Variants in SPIRE2 observed in about 807,000 individuals in gnomAD.
SPIRE2 encodes protein spire homolog 2.
A neutral mutation model predicts 80.7 loss-of-function variants in SPIRE2; 76 were observed. The observed-to-expected ratio is 0.94, with a 90% CI of 0.78 to 1.14. The LOEUF (loss-of-function observed/expected upper bound fraction) is 1.14. SPIRE2 is among the 50% of genes most tolerant of loss of function. The pLI is 0.00. For missense variants in SPIRE2, 1,196 were observed against 1,015.3 expected (o/e 1.18, Z -2.42); for synonymous variants, 535 against 432.6 (o/e 1.24, Z -2.94).
rs1483572829 is a variant in SPIRE2, at chr16:89,868,225, C to T, written c.1806+9C>T. On this transcript the variant is annotated intron_variant, in intron 13 of 14. Coordinates refer to ENST00000378247, the MANE Select transcript of SPIRE2 (RefSeq NM_032451.2). ...CTTCCTGTAGCATAAAGGTGAGGACCATGTGGGATCTCTGGGGTCTGAGCA... is the reference window on the plus strand; with the variant it reads ...CTTCCTGTAGCATAAAGGTGAGGACTATGTGGGATCTCTGGGGTCTGAGCA... 1 of 1,613,958 alleles carries T rather than the reference C, an allele frequency of 6.2e-7. No individual in the cohort carries two copies.
intron 1 of SPIRE2, among the ~76,000 whole-genome samples, chr16:89,829,716 C>T (rs910798269): frequency 7.2e-6 from 1 of 139,458 alleles, no homozygotes; most frequent in African/African-American, 2.5e-5. Flanking sequence ...TCCTGGAGCC[C>T]CCCCCTCAGC....
intron 3 of SPIRE2, 61 bp from the exon 4 acceptor site, chr16:89,854,225 G>A (rs1321843027): frequency 1.0e-5 from 15 of 1,492,646 alleles, no homozygotes; most frequent in Middle Eastern, 1.7e-4. Context: ...GACGGACGGG[G>A]CCCGTCTTGC....
Position 89,870,935 on chromosome 16 carries a change from A to C in SPIRE2, c.*663A>C, listed in dbSNP as rs1350080793. ...ATGTTGTCTCTACTGAAAATGCAAAAATTAGCCAGGTATAGTGGCAGGAAC... is the reference window on the plus strand; with the variant it reads ...ATGTTGTCTCTACTGAAAATGCAAACATTAGCCAGGTATAGTGGCAGGAAC... On this transcript the variant is annotated 3_prime_UTR_variant, in exon 15 of 15. Transcript: ENST00000378247. 1 of 152,556 alleles carries C rather than the reference A, an allele frequency of 6.6e-6. No individual in the cohort carries two copies. Among genetic ancestry groups the C allele is most frequent in the Non-Finnish European group, 1.5e-5 (1 of 68,396 alleles). 9.5% of individuals were successfully genotyped at this position (152,556 alleles called of 1,614,324 possible).
intron 10 of SPIRE2, among the ~76,000 whole-genome samples, chr16:89,861,182 T>C (rs1332223687): frequency 2.0e-5 from 3 of 152,218 alleles, no homozygotes; most frequent in Non-Finnish European, 2.9e-5. Flanking sequence ...TCAGCCCCTC[T>C]GCCCTCGGTT....
Position 89,863,070 on chromosome 16 carries a change from GTGGCCTGTTGGAGGGTCC to G in SPIRE2, c.1576-402_1576-385del, listed in dbSNP as rs1288597622. On this transcript the variant is annotated intron_variant, in intron 10 of 14. Transcript: ENST00000378247. This position sits in a 1 kb window ranked among gnomAD's most constrained non-coding sequence, Gnocchi z 4.3. ...CGCAGATGGGCAGATGCAAGCTGAG[GTGGCCTGTTGGAGGGTCC>G]TGGACCTTCCAGAAAAGAGGACATC... 6.9e-5 allele frequency: 14 copies of G among 202,862 alleles called. No individual in the cohort carries two copies. Among genetic ancestry groups the G allele is most frequent in the African/African-American group, 3.3e-4 (14 of 42,942 alleles). The allele number at this position is 202,862 out of a possible 1,614,324, so 12.6% of individuals were successfully genotyped here.
intron 9 of SPIRE2, 68 bp from the exon 10 acceptor site, chr16:89,860,615 C>T: frequency 9.0e-7 from 1 of 1,117,062 alleles, no homozygotes; most frequent in Non-Finnish European, 1.3e-6. Context: ...TCTATCATCC[C>T]CTGGGCACAG....
intron 1 of SPIRE2, among the ~76,000 whole-genome samples, chr16:89,842,800 G>GCCAGGACTGC (rs1196901193): frequency 2.6e-5 from 4 of 152,212 alleles, no homozygotes; most frequent in South Asian, 2.1e-4. Context: ...CCCAGCGCGG[G>GCCAGGACTGC]CCAGGACTGC....
At chr16:89,836,963 C>G (rs1209034003) in intron 1 of SPIRE2, among the ~76,000 whole-genome samples, 1 of 152,080 alleles carries the variant, frequency 6.6e-6, no homozygotes, top group Admixed American at 6.5e-5. Flanking sequence ...CCATTGCACT[C>G]CAGCCTAGGT....
In SPIRE2 at chr16:89,844,825, C is replaced by A. The variant is rs565598194; in HGVS notation, c.245-497C>A. ...TTTGAACTCCTGGCTGCTAGCAGCT[C>A]TCCCACCTCGGCATCTCAAAGTGCT... On this transcript the variant is annotated intron_variant, in intron 1 of 14. Transcript: ENST00000378247. 9.8e-5 allele frequency among the ~76,000 whole-genome samples: 15 copies of A among 152,336 alleles called. No homozygotes were observed. In the East Asian group the frequency reaches 2.9e-3, roughly 29 times the overall value.
chr16:89,843,148 C>T (rs966133492), intron 1 of SPIRE2, among the ~76,000 whole-genome samples: 29 of 152,306 alleles, frequency 1.9e-4, no homozygotes, highest in East Asian at 3.9e-4. Context: ...TCCCACCCAG[C>T]GCAGCATCTT....
intron 7 of SPIRE2, 30 bp from the exon 8 acceptor site, chr16:89,858,308 C>T (rs775184059): frequency 2.6e-6 from 4 of 1,543,048 alleles, no homozygotes; most frequent in Admixed American, 3.9e-5. Context: ...CGTTCACTGG[C>T]CCGTCCTGCC....
At chr16:89,836,507 G>C (rs1055130418) in intron 1 of SPIRE2, 8 of 290,042 alleles carry the variant, frequency 2.8e-5, no homozygotes, top group East Asian at 8.0e-5. Context: ...GTGGATGGTA[G>C]GACGGTTCCC....
Position 89,860,788 on chromosome 16 carries a change from T to C in SPIRE2, c.1568T>C (p.Leu523Pro). Residue 523 changes from leucine (L) to proline (P), a missense_variant, in exon 10 of 15, where the codon CTG (leucine) becomes CCG (proline). Coordinates refer to ENST00000378247, the MANE Select transcript of SPIRE2 (RefSeq NM_032451.2). ...TCCATGACCCCCGATGCCAAACACC[T>C]GTGGCTGGTGAGTGAGGGTGCGATT... Reference protein sequence around the residue: ...EASMTPDAKHLWLEFSHPVES... With the variant: ...EASMTPDAKHPWLEFSHPVES... 3 of 1,507,540 alleles carry C rather than the reference T, an allele frequency of 2.0e-6. No individual in the cohort carries two copies. The highest frequency in any genetic ancestry group is 2.7e-6 in the Non-Finnish European group (3 of 1,127,344). 93.4% of individuals were successfully genotyped at this position (1,507,540 alleles called of 1,614,324 possible).
Position 89,856,162 on chromosome 16 carries a change from A to G in SPIRE2, c.1028A>G (p.His343Arg), listed in dbSNP as rs1184028157. 6.2e-7 allele frequency: 1 copy of G among 1,611,200 alleles called. No individual in the cohort carries two copies. Among genetic ancestry groups the G allele is most frequent in the South Asian group, 1.1e-5 (1 of 90,726 alleles). ...RPLPPKQRSL[H>R]EKILEEIKQE... is the part of the protein sequence containing the mutation. ...TTGCCACCAAAGCAAAGGTCCCTGCATGAGAAGATCCTGGAGGAGATCAAG... is the reference window on the plus strand; with the variant it reads ...TTGCCACCAAAGCAAAGGTCCCTGCGTGAGAAGATCCTGGAGGAGATCAAG... Residue 343 changes from histidine (H) to arginine (R), a missense_variant, in exon 7 of 15, where the codon CAT becomes CGT. Transcript: ENST00000378247.
chr16:89,837,881 G>A (rs965332719), intron 1 of SPIRE2, among the ~76,000 whole-genome samples: 1 of 152,200 alleles, frequency 6.6e-6, no homozygotes, highest in South Asian at 2.1e-4. Flanking sequence ...GGAAGCTCAC[G>A]GCTCAACCAC....
chr16:89,848,266 G>A (rs1403142585), intron 2 of SPIRE2, among the ~76,000 whole-genome samples: 6 of 152,228 alleles, frequency 3.9e-5, no homozygotes, highest in African/African-American at 1.4e-4. Flanking sequence ...GTCACTGGTC[G>A]GGTGTGGCTG....
intron 3 of SPIRE2, among the ~76,000 whole-genome samples, chr16:89,851,916 G>A (rs898955133): frequency 2.6e-5 from 4 of 151,982 alleles, no homozygotes; most frequent in Admixed American, 6.6e-5. Flanking sequence ...CCAGCTTCCC[G>A]AACCCTCTGA....
chr16:89,867,265 T>G, intron 12 of SPIRE2, among the ~76,000 whole-genome samples: 1 of 151,468 alleles, frequency 6.6e-6, no homozygotes, highest in East Asian at 2.0e-4. Context: ...TGCCTCAGCC[T>G]CCCGAGTAGC....
At position 89,869,570 on chromosome 16, in the gene SPIRE2, A is replaced by G; in HGVS notation, c.1810A>G (p.Lys604Glu). 6.2e-7 allele frequency: 1 copy of G among 1,609,562 alleles called. No homozygotes were observed. Among genetic ancestry groups the G allele is most frequent in the Non-Finnish European group, 8.5e-7 (1 of 1,175,914 alleles). ...ACCTCCTCCCTCTGTGCTGCAGATG[A>G]AGATGCCTTCTAAGAAATTTGGACA... ...AVCTSCSIKM[K>E]MPSKKFGHIP... The change falls in exon 14 of 15, where the codon AAG (lysine) becomes GAG (glutamate). Residue 604 changes from lysine (K) to glutamate (E), a missense_variant. Transcript: ENST00000378247.
Sources: gnomAD v4.1 joint callset for allele counts (sites outside exome capture counted in the v4.1 genomes callset) on GRCh38, gnomAD v4.1.1 for gene constraint, Gnocchi (gnomAD v3.1) non-coding constraint, MANE v1.5 for transcripts, NCBI Gene and HGNC (gene_info 2026-07-23, HGNC 2026-07-21) for gene names.